TAF2: variants seen among roughly 807,000 people sequenced by gnomAD.
TAF2 encodes transcription initiation factor TFIID subunit 2.
Under a neutral mutation model 138.5 loss-of-function variants are expected in TAF2, and 61 were observed. That is an observed-to-expected ratio of 0.44 (90% CI 0.36 to 0.54). The LOEUF (loss-of-function observed/expected upper bound fraction) is 0.54, where lower values mean the gene tolerates loss of function less well. Ranked by LOEUF, TAF2 falls within the 20% of genes least tolerant of loss-of-function variation. The pLI is 0.00. For missense variants in TAF2, 1,090 were observed against 1,427.9 expected (o/e 0.76, Z 3.81); for synonymous variants, 475 against 469.9 (o/e 1.01, Z -0.14).
intron 8 of TAF2, 35 bp downstream of exon 8, chr8:119,796,955 C>G: frequency 7.0e-7 from 1 of 1,427,390 alleles, no homozygotes. Context: ...AAACTTGATT[C>G]TCTTCTCAGT....
chr8:119,733,818 T>A (rs1587632545), intron 25 of TAF2, among the ~76,000 whole-genome samples: 2 of 151,474 alleles, frequency 1.3e-5, no homozygotes, highest in South Asian at 4.2e-4. Flanking sequence ...ACTGTATTAA[T>A]TCAGACCACC....
intron 20 of TAF2, among the ~76,000 whole-genome samples, chr8:119,759,206 T>C (rs1466790529): frequency 6.6e-6 from 1 of 152,132 alleles, no homozygotes; most frequent in Non-Finnish European, 1.5e-5. Context: ...AATAATTATT[T>C]CTAACAGGAA....
At position 119,750,980 on chromosome 8, in the gene TAF2, T is replaced by A. The variant is rs929734036; in HGVS notation, c.2879-4046A>T. Among the ~76,000 whole-genome samples, 56 of 152,166 alleles carry A rather than the reference T, an allele frequency of 3.7e-4. 2 individuals are homozygous for A. Among genetic ancestry groups the A allele is most frequent in the Middle Eastern group, 6.8e-3 (2 of 294 alleles). Reference sequence around the variant, plus strand: ...TAATGATAAAGAGTCAAAGATACCATCTCCTCAATGAAGATCTGTTTCTTC... The same window carrying A: ...TAATGATAAAGAGTCAAAGATACCAACTCCTCAATGAAGATCTGTTTCTTC... On this transcript the variant is annotated intron_variant, in intron 22 of 25. Transcript: ENST00000378164.
At chr8:119,776,213 A>C (rs1822221765) in intron 18 of TAF2, among the ~76,000 whole-genome samples, 1 of 152,208 alleles carries the variant, frequency 6.6e-6, no homozygotes. Flanking sequence ...AGAAAAAATG[A>C]ATTAATGTAT....
Position 119,783,623 on chromosome 8 carries a change from G to A in TAF2, c.1870C>T (p.Pro624Ser). ...MDLSAMDADS[P>S]LLWIRIDPDM... ...GGGTCTATCCTTATCCACAGCAAAG[G>A]GGAATCAGCACTGCAAGAAAATACA... The change falls in exon 16 of 26, where the codon CCT (proline) becomes TCT (serine). Residue 624 changes from proline to serine, a missense_variant. Coordinates refer to ENST00000378164, the MANE Select transcript of TAF2 (RefSeq NM_003184.4). 1 of 1,613,766 alleles carries A rather than the reference G, an allele frequency of 6.2e-7. No homozygotes were observed. Among genetic ancestry groups the A allele is most frequent in the Non-Finnish European group, 8.5e-7 (1 of 1,179,860 alleles).
intron 18 of TAF2, among the ~76,000 whole-genome samples, chr8:119,770,879 T>C (rs979495483): frequency 2.0e-5 from 3 of 152,152 alleles, no homozygotes; most frequent in African/African-American, 7.2e-5. Context: ...GAGACTAGCC[T>C]GGGCAACATG....
chr8:119,763,565 A>C (rs187440760), intron 18 of TAF2, among the ~76,000 whole-genome samples: 1 of 152,024 alleles, frequency 6.6e-6, no homozygotes, highest in African/African-American at 2.4e-5. Flanking sequence ...CCCCATCTCT[A>C]CTAAAAATAC....
chr8:119,803,989 A>T lies in TAF2; in HGVS notation c.449T>A (p.Phe150Tyr). 1 of 1,614,122 alleles carries T rather than the reference A, an allele frequency of 6.2e-7. No individual in the cohort carries two copies. The highest frequency in any genetic ancestry group is 2.2e-5 in the East Asian group (1 of 44,852). ...ELKVLKIHIN[F>Y]SLDQPKGGLH... ...ACCTCCTTTGGGCTGATCCAAAGAA[A>T]AATTGATGTGTATCTTCAGGACCTT... The change falls in exon 5 of 26, where the codon TTT becomes TAT. Residue 150 changes from phenylalanine (F) to tyrosine (Y), a missense_variant. Physicochemically the swap from Phe to Tyr is conservative, Grantham distance 22. This residue lies in a region of TAF2 where 504 missense variants were observed against 680.9 expected (regional missense o/e 0.74). Coordinates refer to ENST00000378164, the MANE Select transcript of TAF2 (RefSeq NM_003184.4).
In TAF2 at chr8:119,832,674, C is replaced by A. The variant is rs1359454353; in HGVS notation, c.-110G>T. On this transcript the variant is annotated 5_prime_UTR_variant, in exon 1 of 26. Coordinates refer to ENST00000378164, the MANE Select transcript of TAF2 (RefSeq NM_003184.4). Reference sequence around the variant, plus strand: ...CCCCTGCGGTCCCCAAGTCACGTCTCGCAGCTGGCCGGTGCCCAGGTGAGC... The same window carrying A: ...CCCCTGCGGTCCCCAAGTCACGTCTAGCAGCTGGCCGGTGCCCAGGTGAGC... The A allele has an allele frequency of 1.1e-5, 11 of 1,041,840 alleles. 1 individual carries two copies. In the Admixed American group the frequency reaches 1.8e-4, roughly 17 times the overall value. 64.5% of individuals were successfully genotyped at this position (1,041,840 alleles called of 1,614,324 possible). A position where few individuals can be genotyped will look rare whatever the true frequency, so the allele number is the denominator to read the frequency against.
Position 119,806,412 on chromosome 8 carries a change from A to T in TAF2, c.300-11T>A. ...TAATTGAGGTTTCTCCTGGGGAAAAAAAAGAGCCAACTTTTAATAATAAGC... is the reference window on the plus strand; with the variant it reads ...TAATTGAGGTTTCTCCTGGGGAAAATAAAGAGCCAACTTTTAATAATAAGC... On this transcript the variant is annotated splice_polypyrimidine_tract_variant and intron_variant, in intron 3 of 25. Transcript: ENST00000378164. 6.3e-7 allele frequency: 1 copy of T among 1,597,638 alleles called. No homozygotes were observed. The highest frequency in any genetic ancestry group is 8.6e-7 in the Non-Finnish European group (1 of 1,165,320).
In TAF2 at chr8:119,808,970, C is replaced by G. The variant is rs111655317; in HGVS notation, c.300-2569G>C. On this transcript the variant is annotated intron_variant, in intron 3 of 25. Coordinates refer to ENST00000378164, the MANE Select transcript of TAF2 (RefSeq NM_003184.4). ...GGATTTTTGGAATGGTAAATGAGCA[C>G]TGGCTTTAACTTAAAGTTCCCAGCT... Among the ~76,000 whole-genome samples the G allele has an allele frequency of 2.9e-3, 447 of 152,320 alleles. 2 individuals are homozygous for G. The highest frequency in any genetic ancestry group is 0.01 in the African/African-American group (423 of 41,570).
At position 119,781,108 on chromosome 8, in the gene TAF2, G is replaced by A. The variant is rs1822619861; in HGVS notation, c.2198C>T (p.Pro733Leu). The change falls in exon 17 of 26, where the codon CCA (proline) becomes CTA (leucine). Residue 733 changes from proline to leucine, a missense_variant. Around this residue, in one of 3 missense-constraint regions of TAF2, gnomAD observed 580 missense variants for 719.6 expected, o/e 0.81. Coordinates refer to ENST00000378164, the MANE Select transcript of TAF2 (RefSeq NM_003184.4). ...AAAGTTGTTTGTTTTCACAATGTTTGGACAACTTTTACAACAAAACATCCT... is the reference window on the plus strand; with the variant it reads ...AAAGTTGTTTGTTTTCACAATGTTTAGACAACTTTTACAACAAAACATCCT... Reference protein sequence around the residue: ...FTRMFCCKSCPNIVKTNNFMS... With the variant: ...FTRMFCCKSCLNIVKTNNFMS... 1 of 1,613,918 alleles carries A rather than the reference G, an allele frequency of 6.2e-7. No homozygotes were observed. Among genetic ancestry groups the A allele is most frequent in the Non-Finnish European group, 8.5e-7 (1 of 1,179,982 alleles).
intron 9 of TAF2, among the ~76,000 whole-genome samples, chr8:119,794,791 T>C (rs1823705625): frequency 6.6e-6 from 1 of 152,196 alleles, no homozygotes; most frequent in African/African-American, 2.4e-5. Context: ...TTAATAGCTC[T>C]AGGTGTTTGA....
chr8:119,798,430 A>G (rs530566500), intron 6 of TAF2, among the ~76,000 whole-genome samples: 1 of 152,342 alleles, frequency 6.6e-6, no homozygotes, highest in South Asian at 2.1e-4. Flanking sequence ...CAAATATCAT[A>G]TGCTATCTCT....
intron 3 of TAF2, among the ~76,000 whole-genome samples, chr8:119,816,749 C>A (rs1825503483): frequency 6.6e-6 from 1 of 152,072 alleles, no homozygotes; most frequent in Admixed American, 6.6e-5. Flanking sequence ...GTGTTTTTGT[C>A]ATGTCTTATG....
chr8:119,778,081 G>A lies in TAF2; in HGVS notation c.2302C>T (p.Pro768Ser), dbSNP rs752933531. 6.3e-7 allele frequency: 1 copy of A among 1,598,912 alleles called. No homozygotes were observed. Among genetic ancestry groups the A allele is most frequent in the South Asian group, 1.1e-5 (1 of 89,940 alleles). ...ALLRDVHNLC[P>S]KEVLTFILDL... ...AAAATAAATGTTAAGACTTCTTTAGGACAAAGATTATGAACATCTCTTAAT... is the reference window on the plus strand; with the variant it reads ...AAAATAAATGTTAAGACTTCTTTAGAACAAAGATTATGAACATCTCTTAAT... The change falls in exon 18 of 26, where the codon CCT becomes TCT. Residue 768 changes from proline (P) to serine (S), a missense_variant. This residue lies in a region of TAF2 where 580 missense variants were observed against 719.6 expected (regional missense o/e 0.81). Coordinates refer to ENST00000378164, the MANE Select transcript of TAF2 (RefSeq NM_003184.4).
At chr8:119,768,607 C>G (rs531831657) in intron 18 of TAF2, among the ~76,000 whole-genome samples, 1 of 152,176 alleles carries the variant, frequency 6.6e-6, no homozygotes, top group Non-Finnish European at 1.5e-5. Flanking sequence ...GAATGTTCCA[C>G]GTGCAGATGA....
At chr8:119,770,364 CA>C (rs1283855886) in intron 18 of TAF2, among the ~76,000 whole-genome samples, 1 of 152,020 alleles carries the variant, frequency 6.6e-6, no homozygotes, top group African/African-American at 2.4e-5. Flanking sequence ...AAAGAAGTGT[CA>C]AATCACCTAT....
intron 18 of TAF2, chr8:119,762,861 C>T (rs1005676048): frequency 3.7e-5 from 12 of 325,104 alleles, no homozygotes; most frequent in Non-Finnish European, 6.2e-5. Flanking sequence ...CATAAAGAAA[C>T]TGGAGGGTTA....
Sources: allele counts gnomAD v4.1 joint callset (sites outside exome capture counted in the v4.1 genomes callset), GRCh38; gene constraint gnomAD v4.1.1; regional missense constraint gnomAD v4.1.1; transcripts MANE v1.5; gene names NCBI Gene and HGNC (gene_info 2026-07-23, HGNC 2026-07-21).